The following CNBD1 variants were observed in gnomAD, a reference collection of about 807,000 sequenced individuals.
The protein encoded by CNBD1 is cyclic nucleotide-binding domain-containing protein 1.
Under a neutral mutation model 54.4 loss-of-function variants are expected in CNBD1, and 71 were observed. The observed-to-expected ratio is 1.30, with a 90% CI of 1.08 to 1.59. The LOEUF (loss-of-function observed/expected upper bound fraction) is 1.59. Ranked by LOEUF, CNBD1 falls within the 40% of genes most tolerant of loss-of-function variation. The pLI is 0.00. For synonymous variants in CNBD1, 182 were observed against 170.7 expected (o/e 1.07, Z -0.51); for missense variants, 659 against 518.0 (o/e 1.27, Z -2.64).
intron 8 of CNBD1, among the ~76,000 whole-genome samples, chr8:87,302,058 T>C (rs949739471): frequency 2.3e-4 from 35 of 152,086 alleles, no homozygotes; most frequent in African/African-American, 7.7e-4. Context: ...CTACCAGAGG[T>C]ACAAGGAGGA....
chr8:86,878,815 G>A (rs765467685), intron 1 of CNBD1, among the ~76,000 whole-genome samples: 73 of 152,194 alleles, frequency 4.8e-4, no homozygotes, highest in Non-Finnish European at 9.7e-4. Flanking sequence ...GTTTATTGAT[G>A]TTTCACTATT....
downstream of CNBD1, among the ~76,000 whole-genome samples, chr8:87,387,529 A>C (rs1311731856): frequency 6.6e-6 from 1 of 152,168 alleles, no homozygotes; most frequent in African/African-American, 2.4e-5. Context: ...ATAATGGTAA[A>C]GGGATCAATT....
intron 2 of CNBD1, among the ~76,000 whole-genome samples, chr8:87,422,908 A>G (rs1434470122): frequency 6.6e-6 from 1 of 152,118 alleles, no homozygotes; most frequent in Non-Finnish European, 1.5e-5. Flanking sequence ...ACCCATGAGC[A>G]TGGAATGTTC....
intron 6 of CNBD1, among the ~76,000 whole-genome samples, chr8:87,238,808 C>T (rs1021784679): frequency 6.6e-5 from 10 of 151,974 alleles, no homozygotes; most frequent in Admixed American, 6.6e-5. Flanking sequence ...GCCAAAGAAC[C>T]CTGGGATTAG....
chr8:87,319,784 C>A (rs184684212), intron 8 of CNBD1, among the ~76,000 whole-genome samples: 2 of 151,702 alleles, frequency 1.3e-5, no homozygotes, highest in Non-Finnish European at 2.9e-5. Flanking sequence ...TTGAATTAAC[C>A]ATTCAAAAAA....
chr8:87,043,498 A>T (rs543965463), intron 4 of CNBD1, among the ~76,000 whole-genome samples: 1 of 152,134 alleles, frequency 6.6e-6, no homozygotes, highest in African/African-American at 2.4e-5. Context: ...TGAATTTTTG[A>T]TATTTAGTTC....
At chr8:87,295,830 T>A (rs1446815538) in intron 8 of CNBD1, among the ~76,000 whole-genome samples, 1 of 152,102 alleles carries the variant, frequency 6.6e-6, no homozygotes, top group Admixed American at 6.5e-5. Context: ...TAAAAATAAA[T>A]TTGAAACTTT....
intron 10 of CNBD1, among the ~76,000 whole-genome samples, chr8:87,371,994 T>G (rs1056849714): frequency 1.3e-4 from 19 of 151,864 alleles, no homozygotes; most frequent in East Asian, 1.2e-3. Flanking sequence ...CCAGGGCAAT[T>G]AGGCAGGAGA....
intron 4 of CNBD1, among the ~76,000 whole-genome samples, chr8:87,158,547 A>C (rs1320920248): frequency 6.6e-6 from 1 of 152,160 alleles, no homozygotes; most frequent in Non-Finnish European, 1.5e-5. Flanking sequence ...TCTGTTCATT[A>C]CATTTGAACT....
intron 8 of CNBD1, among the ~76,000 whole-genome samples, chr8:87,302,972 C>T (rs893850622): frequency 4.0e-5 from 6 of 151,500 alleles, no homozygotes; most frequent in Non-Finnish European, 5.9e-5. Context: ...AACCACTGCT[C>T]AAGGAAATAA....
At chr8:87,425,307 T>C (rs1274005118) in intron 2 of CNBD1, among the ~76,000 whole-genome samples, 3 of 152,218 alleles carry the variant, frequency 2.0e-5, no homozygotes, top group Non-Finnish European at 2.9e-5. Flanking sequence ...ATCTGAAGCC[T>C]TCTTCTGTCA....
At chr8:87,037,560 T>C (rs554500884) in intron 4 of CNBD1, among the ~76,000 whole-genome samples, 16 of 152,274 alleles carry the variant, frequency 1.1e-4, no homozygotes, top group African/African-American at 3.4e-4. Context: ...CTTTTTAAGA[T>C]GAAAATTTTT....
chr8:87,328,711 C>G (rs1445137160), intron 8 of CNBD1, among the ~76,000 whole-genome samples: 1 of 152,094 alleles, frequency 6.6e-6, no homozygotes, highest in Non-Finnish European at 1.5e-5. Flanking sequence ...GACATTTTAA[C>G]AAGACTAAGT....
At chr8:87,187,364 T>C (rs995949936) in intron 4 of CNBD1, among the ~76,000 whole-genome samples, 2 of 152,128 alleles carry the variant, frequency 1.3e-5, no homozygotes, top group Non-Finnish European at 2.9e-5. Context: ...ATAAGAGTTT[T>C]TGAAGTTTAT....
chr8:87,151,304 T>C (rs1260987670), intron 4 of CNBD1, among the ~76,000 whole-genome samples: 1 of 152,210 alleles, frequency 6.6e-6, no homozygotes, highest in East Asian at 1.9e-4. Context: ...TACCAGATAC[T>C]GTTCTAAGCA....
chr8:87,197,283 G>A (rs369413893), intron 4 of CNBD1, among the ~76,000 whole-genome samples: 9 of 152,224 alleles, frequency 5.9e-5, no homozygotes, highest in African/African-American at 1.9e-4. Flanking sequence ...TAAACGGTGT[G>A]CCTGACAATT....
At chr8:86,925,082 G>A (rs554642257) in intron 3 of CNBD1, among the ~76,000 whole-genome samples, 1 of 152,262 alleles carries the variant, frequency 6.6e-6, no homozygotes, top group Admixed American at 6.5e-5. Context: ...AGAGATGACA[G>A]GATTTCAATA....
At chr8:87,104,198 A>G (rs1811487456) in intron 4 of CNBD1, among the ~76,000 whole-genome samples, 1 of 152,254 alleles carries the variant, frequency 6.6e-6, no homozygotes, top group Non-Finnish European at 1.5e-5. Context: ...AAATGTTGTC[A>G]TGGACTGGAG....
rs1458869494 is a variant in CNBD1 at position 86,999,948 on chromosome 8, G to T, written c.431+60194G>T. 5.3e-5 allele frequency among the ~76,000 whole-genome samples: 8 copies of T among 152,210 alleles called. No individual in the cohort carries two copies. The East Asian group carries it at 1.2e-3, about 22-fold the overall frequency. ...CTGCAACATTGCAAAGCATTATTTT[G>T]CTGGCCTTAGACTGAATTTTATCAA... On this transcript the variant is annotated intron_variant, in intron 4 of 10. Coordinates refer to ENST00000518476, the MANE Select transcript of CNBD1 (RefSeq NM_173538.3).
Sources: gnomAD v4.1 joint callset for allele counts (sites outside exome capture counted in the v4.1 genomes callset) on GRCh38, gnomAD v4.1.1 for gene constraint, MANE v1.5 for transcripts, NCBI Gene and HGNC (gene_info 2026-07-23, HGNC 2026-07-21) for gene names.